Variants in SLC5A11 observed in about 807,000 individuals in gnomAD.
SLC5A11 encodes the protein solute carrier family 5 member 11.
In SLC5A11, 48 loss-of-function variants were observed where a neutral mutation model predicts 69.8. The ratio of observed to expected loss-of-function variants is 0.69; its 90% CI spans 0.55 to 0.87. SLC5A11 has a LOEUF of 0.87. Ranked by LOEUF, SLC5A11 falls within the 40% of genes least tolerant of loss-of-function variation. SLC5A11 has a pLI of 0.00. For synonymous variants in SLC5A11, 319 were observed against 342.4 expected, an observed-to-expected ratio of 0.93 and a Z score of 0.75; for missense variants, 784 against 866.1, an observed-to-expected ratio of 0.91 and a Z score of 1.19.
chr16:24,910,262 C>A, intron 14 of SLC5A11, 44 bp from the exon 16 acceptor site: 1 of 1,598,874 alleles, frequency 6.3e-7, no homozygotes, highest in Non-Finnish European at 8.6e-7. Context: ...ACAACCCCGG[C>A]CCCACCTCCA....
intron 9 of SLC5A11, among the ~76,000 whole-genome samples, chr16:24,893,116 CAAAA>C (rs58331547): frequency 1.0e-5 from 1 of 99,094 alleles, no homozygotes; most frequent in African/African-American, 5.0e-5. Context: ...ACTAAAAATA[CAAAA>C]AAAAAAAAAA....
At chr16:24,877,157 G>C in intron 6 of SLC5A11, 101 bp from the exon 8 acceptor site, 1 of 1,545,398 alleles carries the variant, frequency 6.5e-7, no homozygotes, top group East Asian at 2.3e-5. Flanking sequence ...GTGTTTGTCA[G>C]CATCTAGGCT....
At chr16:24,895,927 T>C (rs1303619091) in intron 9 of SLC5A11, among the ~76,000 whole-genome samples, 1 of 152,156 alleles carries the variant, frequency 6.6e-6, no homozygotes, top group Non-Finnish European at 1.5e-5. Context: ...ATCTAAATTA[T>C]TGGGGCTGTG....
chr16:24,901,395 G>A (rs923232057), intron 10 of SLC5A11, among the ~76,000 whole-genome samples: 2 of 152,070 alleles, frequency 1.3e-5, no homozygotes, highest in Admixed American at 6.6e-5. Context: ...CAGGCAGATC[G>A]CTCGAGCTCA....
intron 4 of SLC5A11, among the ~76,000 whole-genome samples, chr16:24,870,622 A>G (rs1467045589): frequency 2.0e-5 from 3 of 151,876 alleles, no homozygotes; most frequent in Admixed American, 6.6e-5. Flanking sequence ...TCTACTAAAA[A>G]TACAAAAATT....
In SLC5A11 at chr16:24,909,099, A is replaced by G. The variant is rs955746028; in HGVS notation, c.1650+3A>G. On this transcript the variant is annotated splice_donor_region_variant and intron_variant, in intron 14 of 15. Transcript: ENST00000347898. ...CAGAGCCACCCTCCAAGGAGATGGT[A>G]CATTTGGGCTGATGGCTAGATCCGT... The G allele has an allele frequency of 1.4e-5, 22 of 1,613,806 alleles. No homozygotes were observed. Among genetic ancestry groups the G allele is most frequent in the Non-Finnish European group, 1.9e-5 (22 of 1,179,834 alleles).
chr16:24,884,458 G>C (rs978672289), intron 8 of SLC5A11, among the ~76,000 whole-genome samples: 17 of 151,554 alleles, frequency 1.1e-4, no homozygotes, highest in African/African-American at 4.1e-4. Flanking sequence ...AGCCTCCTGA[G>C]TAGCTGGGAC....
chr16:24,868,668 T>C (rs1385443775), intron 3 of SLC5A11, among the ~76,000 whole-genome samples: 3 of 150,596 alleles, frequency 2.0e-5, no homozygotes, highest in Non-Finnish European at 1.5e-5. Context: ...ATCAAAAGAA[T>C]ATGATACTGA....
At chr16:24,858,669 A>G (rs758887512) in exon 2 of SLC5A11, 6 of 1,610,736 alleles carry the variant, frequency 3.7e-6, no homozygotes, top group South Asian at 3.3e-5. Flanking sequence ...AGCAGCCCTC[A>G]GCCTCCACAG....
At position 24,862,595 on chromosome 16, in the gene SLC5A11, T is replaced by A. The variant is rs775936072; in HGVS notation, c.136-6T>A. The A allele has an allele frequency of 6.2e-6, 10 of 1,610,536 alleles. No individual in the cohort carries two copies. The East Asian group carries it at 2.2e-4, about 36-fold the overall frequency. On this transcript the variant is annotated splice_region_variant and splice_polypyrimidine_tract_variant and intron_variant, in intron 2 of 15. Transcript: ENST00000347898. ...CCCTCACCCACCTCTCTTCTTTTTT[T>A]TTCAGTCCACAGTGAAGACCAAAAG...
intron 1 of SLC5A11, among the ~76,000 whole-genome samples, chr16:24,856,440 T>C (rs918804289): frequency 8.6e-5 from 13 of 151,392 alleles, no homozygotes; most frequent in South Asian, 4.2e-4. Flanking sequence ...CTGGGGAACA[T>C]AGGGAAACCT....
At chr16:24,905,033 T>A (rs1403972252) in intron 10 of SLC5A11, among the ~76,000 whole-genome samples, 1 of 151,758 alleles carries the variant, frequency 6.6e-6, no homozygotes, top group South Asian at 2.1e-4. Context: ...AGTGAGAACA[T>A]GTGGTGTTTG....
intron 9 of SLC5A11, among the ~76,000 whole-genome samples, chr16:24,894,269 C>G (rs906906822): frequency 6.6e-6 from 1 of 152,184 alleles, no homozygotes; most frequent in Non-Finnish European, 1.5e-5. Context: ...GTGCAGATGC[C>G]TGCTCCCTGG....
At chr16:24,870,253 G>C (rs1471562366) in intron 4 of SLC5A11, among the ~76,000 whole-genome samples, 1 of 151,446 alleles carries the variant, frequency 6.6e-6, no homozygotes, top group Non-Finnish European at 1.5e-5. Flanking sequence ...AATTAGCCGA[G>C]TGTAATGGCG....
chr16:24,852,480 A>G (rs1291481501), intron 1 of SLC5A11, among the ~76,000 whole-genome samples: 2 of 152,150 alleles, frequency 1.3e-5, no homozygotes, highest in Admixed American at 6.5e-5. Context: ...CTCCTTGCCA[A>G]CAAAGCCTTT....
At chr16:24,908,385 G>A (rs1378923402) in intron 13 of SLC5A11, among the ~76,000 whole-genome samples, 2 of 152,164 alleles carry the variant, frequency 1.3e-5, no homozygotes, top group African/African-American at 4.8e-5. Flanking sequence ...GATCACTTGA[G>A]GTCAGGAGTT....
At chr16:24,854,689 C>T (rs951205143) in intron 1 of SLC5A11, among the ~76,000 whole-genome samples, 4 of 152,170 alleles carry the variant, frequency 2.6e-5, no homozygotes, top group African/African-American at 9.7e-5. Context: ...GCCTTGGCCT[C>T]CCAAAGTGCT....
chr16:24,906,689 CAGA>C (rs2050086768), exon 11 of SLC5A11: 4 of 1,613,052 alleles, frequency 2.5e-6, no homozygotes, highest in Non-Finnish European at 3.4e-6. Context: ...AGAGATCTGC[CAGA>C]AGATCTGCAG....
At chr16:24,890,329 C>T (rs2048689493) in intron 8 of SLC5A11, among the ~76,000 whole-genome samples, 1 of 151,460 alleles carries the variant, frequency 6.6e-6, no homozygotes, top group Non-Finnish European at 1.5e-5. Context: ...ACTAAAAGTA[C>T]AAAAATTGGC....
Sources: gnomAD v4.1 joint callset for allele counts (sites outside exome capture counted in the v4.1 genomes callset) on GRCh38, gnomAD v4.1.1 for gene constraint, MANE v1.5 for transcripts, NCBI Gene and HGNC (gene_info 2026-07-23, HGNC 2026-07-21) for gene names.